ZNF808: variants seen among roughly 807,000 people sequenced by gnomAD.
ZNF808 encodes zinc finger protein 808.
A neutral mutation model predicts 8.7 loss-of-function variants in ZNF808; 5 were observed. The ratio of observed to expected loss-of-function variants is 0.58; its 90% CI spans 0.30 to 1.21. The LOEUF (loss-of-function observed/expected upper bound fraction) is 1.21. Among genes scored for constraint, ZNF808 ranks in the 50% most tolerant of loss-of-function variants. The pLI is 0.07. For missense variants in ZNF808, 1,103 were observed against 1,098.4 expected (o/e 1.00, Z -0.06); for synonymous variants, 380 against 366.0 (o/e 1.04, Z -0.44).
chr19:52,562,228 A>G (rs1294308737), intron 3 of ZNF808, among the ~76,000 whole-genome samples: 1 of 152,060 alleles, frequency 6.6e-6, no homozygotes, highest in East Asian at 1.9e-4. Context: ...AAGTACAAAA[A>G]TTACCTGGGT....
intron 1 of ZNF808, among the ~76,000 whole-genome samples, chr19:52,530,673 AG>A (rs200504426): frequency 2.0e-5 from 3 of 150,840 alleles, no homozygotes; most frequent in Admixed American, 6.6e-5. Flanking sequence ...ACAAAAAAAA[AG>A]AGAGAAAGAA....
intron 4 of ZNF808, 127 bp downstream of exon 4, chr19:52,547,765 G>A (rs2059737742): frequency 7.4e-7 from 1 of 1,359,496 alleles, no homozygotes; most frequent in Non-Finnish European, 9.7e-7. Flanking sequence ...TTTTTGACAT[G>A]GAGTTTTGCT....
chr19:52,568,149 A>G (rs2059877222), downstream of ZNF808, among the ~76,000 whole-genome samples: 1 of 152,160 alleles, frequency 6.6e-6, no homozygotes, highest in African/African-American at 2.4e-5. Context: ...AGGCGGGCGG[A>G]TCGCCTGACG....
chr19:52,554,891 A>C lies in ZNF808; in HGVS notation c.1975A>C (p.Thr659Pro). The C allele has an allele frequency of 4.3e-6, 7 of 1,614,134 alleles. No homozygotes were observed. The highest frequency in any genetic ancestry group is 5.9e-6 in the Non-Finnish European group (7 of 1,180,012). ...TTACAAGTGTAATGAGTGTGGGAAG[A>C]CCTTCAGTTACAAGTCATCACTTGT... ...KTYKCNECGK[T>P]FSYKSSLVWH... Residue 659 changes from threonine to proline, a missense_variant, in exon 5 of 5, where the codon ACC (threonine) becomes CCC (proline). Coordinates refer to ENST00000359798, the MANE Select transcript of ZNF808 (RefSeq NM_001039886.4).
chr19:52,547,725 C>T, intron 4 of ZNF808, 87 bp downstream of exon 4: 3 of 1,552,554 alleles, frequency 1.9e-6, no homozygotes, highest in Non-Finnish European at 2.6e-6. Flanking sequence ...TGTGATTTTG[C>T]CCCATCCATG....
chr19:52,559,206 C>G (rs564419325), downstream of ZNF808, among the ~76,000 whole-genome samples: 453 of 151,892 alleles, frequency 3.0e-3, 1 homozygote, highest in Middle Eastern at 0.017. Context: ...GGTCCCTGGA[C>G]AATGGAATGT....
At chr19:52,532,683 G>A (rs2059571747) in intron 1 of ZNF808, among the ~76,000 whole-genome samples, 2 of 152,104 alleles carry the variant, frequency 1.3e-5, no homozygotes, top group African/African-American at 2.4e-5. Context: ...CCCTGTCAGC[G>A]TTTTGTCATA....
rs376315936 is a variant in ZNF808, at chr19:52,543,369, G to A, written c.63+22G>A. 1.1e-5 allele frequency: 18 copies of A among 1,609,796 alleles called. No individual in the cohort carries two copies. The African/African-American group carries it at 1.7e-4, about 16-fold the overall frequency. On this transcript the variant is annotated intron_variant, in intron 3 of 4. Coordinates refer to ENST00000359798, the MANE Select transcript of ZNF808 (RefSeq NM_001039886.4). Reference sequence around the variant, plus strand: ...TCAGGTGAAGTGATATTCCTCTGTGGATTAATCTGTCTCTTTCCTTTCTGA... The same window carrying A: ...TCAGGTGAAGTGATATTCCTCTGTGAATTAATCTGTCTCTTTCCTTTCTGA...
chr19:52,530,131 G>A (rs1413727584), intron 1 of ZNF808, among the ~76,000 whole-genome samples: 1 of 151,948 alleles, frequency 6.6e-6, no homozygotes, highest in African/African-American at 2.4e-5. Context: ...CATGATCTCA[G>A]CTCACCACAA....
intron 4 of ZNF808, among the ~76,000 whole-genome samples, chr19:52,549,421 A>G (rs1435731719): frequency 6.6e-6 from 1 of 152,124 alleles, no homozygotes; most frequent in Non-Finnish European, 1.5e-5. Flanking sequence ...ATTGTTGAGT[A>G]TATTCTTGAA....
intron 2 of ZNF808, among the ~76,000 whole-genome samples, chr19:52,540,361 G>T (rs1327073423): frequency 1.3e-5 from 2 of 152,110 alleles, no homozygotes; most frequent in African/African-American, 2.4e-5. Flanking sequence ...TTTGGCCCAA[G>T]ATTTCATTAG....
At chr19:52,553,068 G>C in intron 4 of ZNF808, 39 bp from the exon 5 acceptor site, 2 of 1,512,348 alleles carry the variant, frequency 1.3e-6, no homozygotes, top group Non-Finnish European at 1.8e-6. Context: ...TTTACCATCT[G>C]TACTTAATTG....
downstream of ZNF808, among the ~76,000 whole-genome samples, chr19:52,566,925 C>T (rs907159968): frequency 2.0e-5 from 3 of 151,280 alleles, no homozygotes; most frequent in Non-Finnish European, 4.4e-5. Context: ...CATGCTTTCA[C>T]GTACTTGCAC....
intron 2 of ZNF808, among the ~76,000 whole-genome samples, chr19:52,542,286 A>T (rs58627896): frequency 6.0e-4 from 91 of 151,986 alleles, no homozygotes; most frequent in Non-Finnish European, 1.0e-4. Flanking sequence ...TTTGAAAACC[A>T]TGTCCCTATG....
At chr19:52,535,038 T>TAA (rs1043820598) in intron 2 of ZNF808, among the ~76,000 whole-genome samples, 2 of 143,100 alleles carry the variant, frequency 1.4e-5, no homozygotes, top group African/African-American at 5.1e-5. Flanking sequence ...AAAAACGGGT[T>TAA]AAAAAAAAAA....
Position 52,553,974 on chromosome 19 carries a change from A to T in ZNF808, c.1058A>T (p.Asn353Ile). The T allele has an allele frequency of 2.5e-6, 4 of 1,613,966 alleles. No homozygotes were observed. The highest frequency in any genetic ancestry group is 3.4e-6 in the Non-Finnish European group (4 of 1,179,966). ...YKCNECGKAFNQQSHLSRHQR... is the reference protein window; with the variant it reads ...YKCNECGKAFIQQSHLSRHQR... ...TGTAATGAATGTGGCAAGGCTTTTAATCAACAATCACACCTTTCACGCCAT... is the reference window on the plus strand; with the variant it reads ...TGTAATGAATGTGGCAAGGCTTTTATTCAACAATCACACCTTTCACGCCAT... Residue 353 changes from asparagine to isoleucine, a missense_variant, in exon 5 of 5, where the codon AAT (asparagine) becomes ATT (isoleucine). Physicochemically the swap from Asn to Ile is moderately radical, Grantham distance 149. Transcript: ENST00000359798.
At chr19:52,540,944 T>TTTTG (rs1306898355) in intron 2 of ZNF808, among the ~76,000 whole-genome samples, 38 of 152,004 alleles carry the variant, frequency 2.5e-4, no homozygotes, top group Admixed American at 2.2e-3. Context: ...GTCCTGGAAT[T>TTTTG]TTTGTTTGTT....
chr19:52,535,540 G>T (rs1445729214), intron 2 of ZNF808, among the ~76,000 whole-genome samples: 1 of 151,964 alleles, frequency 6.6e-6, no homozygotes, highest in Non-Finnish European at 1.5e-5. Context: ...GGCAGCAGGT[G>T]GTGACCTCAC....
intron 2 of ZNF808, among the ~76,000 whole-genome samples, chr19:52,539,548 GTT>G (rs71180473): frequency 0.027 from 1,412 of 51,888 alleles, 37 homozygotes; most frequent in African/African-American, 0.13. Context: ...TGTTGTGGTG[GTT>G]TTTTTTTTTT....
Sources: allele counts gnomAD v4.1 joint callset (sites outside exome capture counted in the v4.1 genomes callset), GRCh38; gene constraint gnomAD v4.1.1; transcripts MANE v1.5; gene names NCBI Gene and HGNC (gene_info 2026-07-23, HGNC 2026-07-21).